FBXO22: variants seen among roughly 807,000 people sequenced by gnomAD.
FBXO22 encodes the protein F-box protein 22, also known as F-box only protein 22.
In FBXO22, 13 loss-of-function variants were observed where a neutral mutation model predicts 37.2. That is an observed-to-expected ratio of 0.35 (90% CI 0.23 to 0.56). FBXO22 has a LOEUF of 0.56. FBXO22 is among the 20% of genes least tolerant of loss of function. FBXO22 has a pLI of 0.87. For missense variants in FBXO22, 446 were observed against 509.9 expected, an observed-to-expected ratio of 0.87 and a Z score of 1.21; for synonymous variants, 189 against 189.1, an observed-to-expected ratio of 1.00 and a Z score of 0.00.
chr15:75,906,010 A>G (rs976757538), intron 2 of FBXO22, among the ~76,000 whole-genome samples: 2 of 152,140 alleles, frequency 1.3e-5, no homozygotes, highest in Admixed American at 1.3e-4. Context: ...TTATTTATTT[A>G]TATCTGTACA....
intron 2 of FBXO22, among the ~76,000 whole-genome samples, chr15:75,904,837 T>G (rs1899886987): frequency 6.7e-6 from 1 of 148,760 alleles, no homozygotes; most frequent in African/African-American, 2.5e-5. Context: ...TTTTTTTTTT[T>G]TTTTGAGACG....
chr15:75,915,505 C>T (rs1335210756), intron 4 of FBXO22, among the ~76,000 whole-genome samples: 2 of 152,152 alleles, frequency 1.3e-5, no homozygotes, highest in South Asian at 4.1e-4. Flanking sequence ...GTGGCTGACA[C>T]CTGTAATCCC....
intron 5 of FBXO22, among the ~76,000 whole-genome samples, chr15:75,928,816 GTC>G (rs2029901050): frequency 6.6e-6 from 1 of 152,198 alleles, no homozygotes; most frequent in African/African-American, 2.4e-5. Flanking sequence ...CAAGTAGGCT[GTC>G]TCTGTTACAC....
intron 5 of FBXO22, among the ~76,000 whole-genome samples, chr15:75,923,653 C>T (rs1900377414): frequency 6.6e-6 from 1 of 152,076 alleles, no homozygotes; most frequent in African/African-American, 2.4e-5. Context: ...TTTTGGAGTA[C>T]AAGAGTGGAT....
intron 5 of FBXO22, 86 bp from the exon 6 acceptor site, chr15:75,929,798 A>G (rs56311307): frequency 0.048 from 74,302 of 1,543,028 alleles, 2,365 homozygotes; most frequent in Non-Finnish European, 0.057. Context: ...GTGGAGTGCA[A>G]GTCAGTAACA....
In FBXO22 at chr15:75,903,902, A is replaced by C; in HGVS notation, c.-62A>C. On this transcript the variant is annotated 5_prime_UTR_variant, in exon 1 of 7. An upstream start codon of the reference 5' UTR is lost. Transcript: ENST00000308275. ...CAGTGCGCGCCGGCCGGGCAACCCT[A>C]TGCTGGCGTAATCGGGTTCCTCCGA... The C allele has an allele frequency of 7.0e-7, 1 of 1,434,244 alleles. No homozygotes were observed. The highest frequency in any genetic ancestry group is 9.2e-7 in the Non-Finnish European group (1 of 1,090,172). 88.8% of individuals were successfully genotyped at this position (1,434,244 alleles called of 1,614,324 possible). A position where few individuals can be genotyped will look rare whatever the true frequency, so the allele number is the denominator to read the frequency against.
At position 75,932,815 on chromosome 15, in the gene FBXO22, C is replaced by A. The variant is rs745366610; in HGVS notation, c.925C>A (p.Leu309Ile). 1.2e-6 allele frequency: 2 copies of A among 1,614,248 alleles called. No individual in the cohort carries two copies. Among genetic ancestry groups the A allele is most frequent in the South Asian group, 2.2e-5 (2 of 91,084 alleles). The change falls in exon 7 of 7, where the codon CTC becomes ATC. Residue 309 changes from leucine (L) to isoleucine (I), a missense_variant. By Grantham distance (5) the Leu-to-Ile change is conservative. This residue lies in a region of FBXO22 where 315 missense variants were observed against 410.1 expected (regional missense o/e 0.77). Transcript: ENST00000308275. ...GACTGCTGAGGCTGCGATGCAGCGC[C>A]TCAAAGCGGCCAACATTCCAGAGCA... Reference protein sequence around the residue: ...EKTAEAAMQRLKAANIPEHNT... With the variant: ...EKTAEAAMQRIKAANIPEHNT...
chr15:75,906,825 T>C (rs1899940217), intron 2 of FBXO22, among the ~76,000 whole-genome samples: 1 of 152,194 alleles, frequency 6.6e-6, no homozygotes, highest in South Asian at 2.1e-4. Context: ...GAAAGTGTTC[T>C]CTGGAGCATC....
Position 75,941,580 on chromosome 15 carries a change from T to C in FBXO22, c.*8478T>C, listed in dbSNP as rs923924547. Reference sequence around the variant, plus strand: ...TGTGTTATATCCATACAATGGAATATTATTCAGCCATAAAAAGGAAATCCT... The same window carrying C: ...TGTGTTATATCCATACAATGGAATACTATTCAGCCATAAAAAGGAAATCCT... On this transcript the variant is annotated 3_prime_UTR_variant, in exon 7 of 7. Coordinates refer to ENST00000308275, the MANE Select transcript of FBXO22 (RefSeq NM_147188.3). 4.6e-5 allele frequency: 7 copies of C among 152,172 alleles called. No individual in the cohort carries two copies. The highest frequency in any genetic ancestry group is 1.7e-4 in the African/African-American group (7 of 41,444). The allele number at this position is 152,172 out of a possible 1,614,324, so 9.4% of individuals were successfully genotyped here. A position where few individuals can be genotyped will look rare whatever the true frequency, so the allele number is the denominator to read the frequency against.
intron 2 of FBXO22, among the ~76,000 whole-genome samples, chr15:75,909,799 G>A (rs528867395): frequency 2.7e-5 from 4 of 146,854 alleles, no homozygotes; most frequent in South Asian, 2.2e-4. Flanking sequence ...AAATTTCTGC[G>A]ATACATGTGC....
chr15:75,930,005 G>A lies in FBXO22; in HGVS notation c.750G>A (p.Leu250=). Residue 250 remains leucine (L), a synonymous_variant, in exon 6 of 7, where the codon TTG becomes TTA. Transcript: ENST00000308275. The part of the protein sequence containing the change: ...VSTFSDMNII[L]AGGQVDNLSS... ...CTTTCAGTGATATGAATATCATCTTGGCTGGAGGCCAGGTGGACAACCTGT... is the reference window on the plus strand; with the variant it reads ...CTTTCAGTGATATGAATATCATCTTAGCTGGAGGCCAGGTGGACAACCTGT... 6.2e-7 allele frequency: 1 copy of A among 1,614,074 alleles called. No homozygotes were observed. Among genetic ancestry groups the A allele is most frequent in the Non-Finnish European group, 8.5e-7 (1 of 1,179,970 alleles).
rs1054986254 is a variant in FBXO22, at chr15:75,938,448, C to T, written c.*5346C>T. On this transcript the variant is annotated 3_prime_UTR_variant, in exon 7 of 7. Transcript: ENST00000308275. ...ATTCAAAAGATCAAAATTAATTGAC[C>T]TTGTCCTAATGAAGGACATTAAACT... The T allele has an allele frequency of 7.9e-5, 12 of 152,098 alleles. No individual in the cohort carries two copies. Among genetic ancestry groups the T allele is most frequent in the Non-Finnish European group, 1.6e-4 (11 of 68,022 alleles). The allele number at this position is 152,098 out of a possible 1,614,324, so 9.4% of individuals were successfully genotyped here.
chr15:75,920,203 C>T (rs1462988449), intron 5 of FBXO22, among the ~76,000 whole-genome samples: 4 of 152,178 alleles, frequency 2.6e-5, no homozygotes, highest in African/African-American at 7.2e-5. Flanking sequence ...GGTAGGCTAG[C>T]TGGAGCGAAC....
At chr15:75,924,122 C>G (rs1423559902) in intron 5 of FBXO22, among the ~76,000 whole-genome samples, 1 of 152,116 alleles carries the variant, frequency 6.6e-6, no homozygotes, top group Non-Finnish European at 1.5e-5. Flanking sequence ...ATATGTTGGC[C>G]TGGAGCTCTA....
intron 3 of FBXO22, 121 bp downstream of exon 3, chr15:75,913,411 G>A (rs538062036): frequency 3.7e-4 from 227 of 611,992 alleles, no homozygotes; most frequent in Admixed American, 8.1e-4. Flanking sequence ...ACTGCCACCT[G>A]TAGTATGCAT....
chr15:75,908,490 C>T (rs335706), intron 2 of FBXO22, among the ~76,000 whole-genome samples: 29,985 of 151,966 alleles, frequency 0.2, 3,341 homozygotes, highest in Admixed American at 0.29. Context: ...ACAGGCTGGT[C>T]TCACCCTGGC....
At position 75,939,132 on chromosome 15, in the gene FBXO22, G is replaced by GAAAC. The variant is rs1413687333; in HGVS notation, c.*6032_*6035dup. 1 of 151,838 alleles carries GAAAC rather than the reference G, an allele frequency of 6.6e-6. No individual in the cohort carries two copies. Among genetic ancestry groups the GAAAC allele is most frequent in the East Asian group, 1.9e-4 (1 of 5,190 alleles). 9.4% of individuals were successfully genotyped at this position (151,838 alleles called of 1,614,324 possible). On this transcript the variant is annotated 3_prime_UTR_variant, in exon 7 of 7. Coordinates refer to ENST00000308275, the MANE Select transcript of FBXO22 (RefSeq NM_147188.3). ...GATATAATAAATTGAATAAAGATTA[G>GAAAC]AAACACTAGAGAAAAATCAGTGAAA...
chr15:75,923,979 G>A (rs185318903), intron 5 of FBXO22, among the ~76,000 whole-genome samples: 1 of 152,248 alleles, frequency 6.6e-6, no homozygotes, highest in East Asian at 1.9e-4. Flanking sequence ...GCGGGTATGT[G>A]GCTAGCGCAG....
In FBXO22 at chr15:75,907,355, A is replaced by G. The variant is rs531623488; in HGVS notation, c.279+2726A>G. On this transcript the variant is annotated intron_variant, in intron 2 of 6. Coordinates refer to ENST00000308275, the MANE Select transcript of FBXO22 (RefSeq NM_147188.3). Reference sequence around the variant, plus strand: ...AATGCATATAAACATTACTTACAATACCAGGAGCATAAGTTCTCAATAGAT... The same window carrying G: ...AATGCATATAAACATTACTTACAATGCCAGGAGCATAAGTTCTCAATAGAT... Among the ~76,000 whole-genome samples the G allele has an allele frequency of 1.3e-4, 20 of 152,366 alleles. No individual in the cohort carries two copies. The East Asian group carries it at 3.7e-3, about 28-fold the overall frequency.
Sources: gnomAD v4.1 joint callset for allele counts (sites outside exome capture counted in the v4.1 genomes callset) on GRCh38, gnomAD v4.1.1 for gene constraint, gnomAD v4.1.1 regional missense constraint, MANE v1.5 for transcripts, NCBI Gene and HGNC (gene_info 2026-07-23, HGNC 2026-07-21) for gene names.